PCYT2: variants seen among roughly 807,000 people sequenced by gnomAD.
PCYT2 encodes ethanolamine-phosphate cytidylyltransferase.
In PCYT2, 33 loss-of-function variants were observed where a neutral mutation model predicts 50.0. The ratio of observed to expected loss-of-function variants is 0.66; its 90% CI spans 0.50 to 0.88. PCYT2 has a LOEUF of 0.88. PCYT2 is among the 40% of genes least tolerant of loss of function. The pLI is 0.00. For missense variants in PCYT2, 430 were observed against 519.7 expected, an observed-to-expected ratio of 0.83 and a Z score of 1.68; for synonymous variants, 240 against 203.7, an observed-to-expected ratio of 1.18 and a Z score of -1.52.
At chr17:81,907,212 A>G in intron 6 of PCYT2, 1 of 1,533,706 alleles carries the variant, frequency 6.5e-7, no homozygotes, top group Non-Finnish European at 8.7e-7. Context: ...ACCTGGGAGC[A>G]GCCTTCTGAG....
chr17:81,906,952 C>G, intron 6 of PCYT2, 54 bp from the exon 7 acceptor site: 1 of 1,569,364 alleles, frequency 6.4e-7, no homozygotes, highest in Non-Finnish European at 8.7e-7. Context: ...AGGTGCTGCC[C>G]TCACCAGGTC....
chr17:81,906,519 T>C lies in PCYT2; in HGVS notation c.704A>G (p.Lys235Arg), dbSNP rs370477184. 6.2e-7 allele frequency: 1 copy of C among 1,613,396 alleles called. No individual in the cohort carries two copies. The highest frequency in any genetic ancestry group is 8.5e-7 in the Non-Finnish European group (1 of 1,179,940). Residue 235 changes from lysine (K) to arginine (R), a missense_variant, in exon 8 of 13, where the codon AAG becomes AGG. Transcript: ENST00000538936. Reference sequence around the variant, plus strand: ...GGGCCTCTCTGCCAGCCTGTGCACCTTCTCCAGGAAGTCCACATGCCCGAT... The same window carrying C: ...GGGCCTCTCTGCCAGCCTGTGCACCCTCTCCAGGAAGTCCACATGCCCGAT... ...FHIGHVDFLE[K>R]VHRLAERPYI... is the part of the protein sequence containing the mutation.
Position 81,902,284 on chromosome 17 carries a change from C to A in PCYT2, c.*2549G>T. On this transcript the variant is annotated 3_prime_UTR_variant, in exon 13 of 13. Transcript: ENST00000538936. ...CCAGTCAGCCGGCGTCCCCATGGCC[C>A]GGTCCGCGACACTGGCGGCCGCCGC... is the stretch of plus-strand genomic sequence containing the variant. 7.6e-7 allele frequency: 1 copy of A among 1,309,260 alleles called. No homozygotes were observed. Among genetic ancestry groups the A allele is most frequent in the Non-Finnish European group, 9.6e-7 (1 of 1,036,548 alleles). The allele number at this position is 1,309,260 out of a possible 1,614,324, so 81.1% of individuals were successfully genotyped here. A position where few individuals can be genotyped will look rare whatever the true frequency, so the allele number is the denominator to read the frequency against.
intron 4 of PCYT2, 90 bp from the exon 5 acceptor site, chr17:81,907,947 G>C (rs1457217967): frequency 9.1e-7 from 1 of 1,102,352 alleles, no homozygotes; most frequent in Non-Finnish European, 1.3e-6. Context: ...TAGCAGCCCT[G>C]CTGTGGCAGA....
chr17:81,906,932 G>A (rs751971753), intron 6 of PCYT2, 34 bp from the exon 7 acceptor site: 3 of 1,605,066 alleles, frequency 1.9e-6, no homozygotes, highest in African/African-American at 2.7e-5. Context: ...GTTGGCGGGG[G>A]AGGCCTCCCA....
chr17:81,906,313 G>A, intron 8 of PCYT2, 136 bp from the exon 9 acceptor site: 1 of 1,097,434 alleles, frequency 9.1e-7, no homozygotes, highest in South Asian at 1.5e-5. Context: ...GGACAGCCCT[G>A]GACCCCAGAA....
intron 8 of PCYT2, 123 bp downstream of exon 8, chr17:81,906,341 A>C: frequency 8.7e-7 from 1 of 1,149,836 alleles, no homozygotes; most frequent in East Asian, 2.5e-5. Flanking sequence ...ATCACCCCCC[A>C]GGGTCTCCTG....
chr17:81,910,788 G>T (rs985011371), intron 1 of PCYT2: 2 of 622,062 alleles, frequency 3.2e-6, no homozygotes, highest in African/African-American at 2.0e-5. Flanking sequence ...TTAAAACAAT[G>T]CCCTCTGACT....
At chr17:81,906,290 G>A in intron 8 of PCYT2, 113 bp from the exon 9 acceptor site, 2 of 1,140,688 alleles carry the variant, frequency 1.8e-6, no homozygotes, top group Non-Finnish European at 1.3e-6. Context: ...CCCTTGTGGG[G>A]ATGCCCCAGA....
rs1444879641 is a variant in PCYT2, at chr17:81,906,918, G to A, written c.538-20C>T. The A allele has an allele frequency of 6.2e-7, 1 of 1,609,842 alleles. No homozygotes were observed. The highest frequency in any genetic ancestry group is 1.7e-5 in the Admixed American group (1 of 59,742). On this transcript the variant is annotated intron_variant, in intron 6 of 12. Transcript: ENST00000538936. ...AGGGCACTGCAAGCCAAGAGAGGGA[G>A]CAGGTTGGCGGGGGAGGCCTCCCAG...
At chr17:81,908,173 C>T (rs575469988) in intron 4 of PCYT2, among the ~76,000 whole-genome samples, 33 of 149,604 alleles carry the variant, frequency 2.2e-4, no homozygotes, top group Non-Finnish European at 4.7e-4. Flanking sequence ...CTCACACCCA[C>T]GTCCTGCCCG....
intron 11 of PCYT2, 90 bp downstream of exon 11, chr17:81,905,292 C>T (rs1325228781): frequency 3.2e-5 from 44 of 1,359,828 alleles, no homozygotes; most frequent in Non-Finnish European, 4.2e-5. Context: ...CGCCACCATG[C>T]CCGTTTCCCA....
chr17:81,904,874 G>A lies in PCYT2; in HGVS notation c.1129C>T (p.Gln377Ter). The change falls in exon 13 of 13, where the codon CAG becomes TAG. Residue 377 changes from glutamine to a stop codon, truncating the protein, a stop_gained. Transcript: ENST00000538936. LOFTEE classifies it low-confidence loss of function (END_TRUNC). ...ELAFLEAARQ[Q>*]AAQPLGERDG... ...CGCTCCCCCAGGGGCTGTGCCGCCT[G>A]CTGCCTGGCAGCCTCCAGGAAGGCC... The A allele has an allele frequency of 1.2e-6, 2 of 1,612,872 alleles. No individual in the cohort carries two copies. The highest frequency in any genetic ancestry group is 8.5e-7 in the Non-Finnish European group (1 of 1,179,852).
Position 81,902,559 on chromosome 17 carries a change from C to T in PCYT2, c.*2274G>A. On this transcript the variant is annotated 3_prime_UTR_variant, in exon 13 of 13. Coordinates refer to ENST00000538936, the MANE Select transcript of PCYT2 (RefSeq NM_002861.5). ...CGGCGTGCCGGGGACTGATGGGGGG[C>T]GGCGGCAGGACGTGGGTGGGGGTGC... 1.3e-6 allele frequency: 2 copies of T among 1,495,388 alleles called. No individual in the cohort carries two copies. The highest frequency in any genetic ancestry group is 8.9e-7 in the Non-Finnish European group (1 of 1,127,808). 92.6% of individuals were successfully genotyped at this position (1,495,388 alleles called of 1,614,324 possible).
intron 1 of PCYT2, chr17:81,910,990 C>T (rs2040567420): frequency 1.0e-6 from 1 of 993,062 alleles, no homozygotes; most frequent in Non-Finnish European, 1.2e-6. Flanking sequence ...GCAGGGAGGC[C>T]GTGGCTCCAG....
intron 10 of PCYT2, 50 bp from the exon 11 acceptor site, chr17:81,905,497 C>T (rs1027875682): frequency 1.8e-5 from 28 of 1,523,444 alleles, no homozygotes; most frequent in African/African-American, 2.8e-5. Flanking sequence ...CAGCGGCCGT[C>T]GCCACCCACA....
chr17:81,910,835 G>A (rs1344509637), intron 1 of PCYT2: 2 of 958,980 alleles, frequency 2.1e-6, no homozygotes, highest in African/African-American at 1.8e-5. Flanking sequence ...GCCCCGCGGA[G>A]GAGGACCCGG....
chr17:81,906,415 C>G (rs376042396), intron 8 of PCYT2, 49 bp downstream of exon 8: 4 of 1,551,846 alleles, frequency 2.6e-6, no homozygotes, highest in Non-Finnish European at 3.6e-6. Flanking sequence ...TAGGGCCCCT[C>G]GAGGGCCCAT....
intron 10 of PCYT2, 106 bp downstream of exon 10, chr17:81,905,564 G>T: frequency 7.0e-7 from 1 of 1,432,016 alleles, no homozygotes; most frequent in African/African-American, 1.4e-5. Flanking sequence ...CTCAGCCCAG[G>T]TACCTCCTGG....
Sources: allele counts gnomAD v4.1 joint callset (sites outside exome capture counted in the v4.1 genomes callset), GRCh38; gene constraint gnomAD v4.1.1; transcripts MANE v1.5; gene names NCBI Gene and HGNC (gene_info 2026-07-23, HGNC 2026-07-21).